KDM4C: variants seen among roughly 807,000 people sequenced by gnomAD.
KDM4C encodes the protein lysine demethylase 4C.
KDM4C carries 81 observed loss-of-function variants against 129.3 expected under a neutral mutation model. The ratio of observed to expected loss-of-function variants is 0.63; its 90% CI spans 0.52 to 0.75. The LOEUF is 0.75. Among genes scored for constraint, KDM4C ranks in the 30% least tolerant of loss-of-function variants. The pLI is 0.00. For missense variants in KDM4C, 1,457 were observed against 1,304.0 expected (o/e 1.12, Z -1.81); for synonymous variants, 573 against 456.1 (o/e 1.26, Z -3.26).
chr9:7,104,787 C>G (rs1226368793), intron 18 of KDM4C, among the ~76,000 whole-genome samples: 1 of 152,232 alleles, frequency 6.6e-6, no homozygotes, highest in Non-Finnish European at 1.5e-5. Context: ...CATGCTTCTC[C>G]TATGTCCCTA....
At chr9:6,825,951 C>T (rs1041582338) in intron 4 of KDM4C, among the ~76,000 whole-genome samples, 1 of 152,108 alleles carries the variant, frequency 6.6e-6, no homozygotes, top group Non-Finnish European at 1.5e-5. Flanking sequence ...GCTGGGACTA[C>T]GTGTGTGCGC....
chr9:6,995,433 A>C (rs1819516464), intron 12 of KDM4C, among the ~76,000 whole-genome samples: 1 of 152,164 alleles, frequency 6.6e-6, no homozygotes, highest in East Asian at 1.9e-4. Flanking sequence ...AATAAGGTAA[A>C]TGTCTCATAA....
intron 1 of KDM4C, among the ~76,000 whole-genome samples, chr9:6,780,261 T>C (rs185311293): frequency 9.8e-4 from 146 of 149,388 alleles, no homozygotes; most frequent in African/African-American, 3.4e-3. Flanking sequence ...TACAGCGGTG[T>C]TATTGTTTCT....
chr9:6,986,729 A>G (rs1817783406), intron 11 of KDM4C, 63 bp downstream of exon 11: 1 of 1,215,750 alleles, frequency 8.2e-7, no homozygotes, highest in East Asian at 2.5e-5. Flanking sequence ...TTTGAAAACA[A>G]CATGCTGTGC....
At position 7,094,707 on chromosome 9, in the gene KDM4C, G is replaced by A. The variant is rs774663987; in HGVS notation, c.2425-8978G>A. 9.2e-5 allele frequency among the ~76,000 whole-genome samples: 14 copies of A among 152,178 alleles called. No individual in the cohort carries two copies. In the South Asian group the frequency reaches 1.4e-3, roughly 16 times the overall value. On this transcript the variant is annotated intron_variant, in intron 17 of 21. Coordinates refer to ENST00000381309, the MANE Select transcript of KDM4C (RefSeq NM_015061.6). ...GGTGCTTCCTCTGAAAGGTCACCCG[G>A]GACATGTCTGCACTGCATTGACTTT... is the stretch of plus-strand genomic sequence containing the variant.
Position 6,732,085 on chromosome 9 carries a change from G to A in KDM4C, c.49+11088G>A, listed in dbSNP as rs573319803. 4.6e-5 allele frequency among the ~76,000 whole-genome samples: 7 copies of A among 151,970 alleles called. No homozygotes were observed. In the East Asian group the frequency reaches 1.2e-3, roughly 25 times the overall value. ...TCAAATAGATCAAAGAATGAGGCTGGGGCTGGGTGTGGTGGCTCACATCTG... is the reference window on the plus strand; with the variant it reads ...TCAAATAGATCAAAGAATGAGGCTGAGGCTGGGTGTGGTGGCTCACATCTG... On this transcript the variant is annotated intron_variant, in intron 1 of 17. Transcript: ENST00000536108.
intron 1 of KDM4C, among the ~76,000 whole-genome samples, chr9:6,728,934 G>A (rs1028183338): frequency 2.6e-5 from 4 of 151,074 alleles, no homozygotes; most frequent in African/African-American, 9.7e-5. Context: ...GGCTGGGCGC[G>A]GTGGTTCACG....
intron 12 of KDM4C, among the ~76,000 whole-genome samples, chr9:7,006,465 G>A (rs756981862): frequency 6.6e-6 from 1 of 152,212 alleles, no homozygotes; most frequent in South Asian, 2.1e-4. Context: ...TTGAAAAACA[G>A]AATTGTTTAT....
At chr9:7,125,192 T>A (rs1052649915) in intron 18 of KDM4C, among the ~76,000 whole-genome samples, 1 of 152,150 alleles carries the variant, frequency 6.6e-6, no homozygotes, top group Non-Finnish European at 1.5e-5. Context: ...TAGCAAGACC[T>A]CTTGCATTCC....
At chr9:7,008,777 A>G (rs1012093972) in intron 12 of KDM4C, among the ~76,000 whole-genome samples, 2 of 152,214 alleles carry the variant, frequency 1.3e-5, no homozygotes, top group African/African-American at 4.8e-5. Context: ...CCCAGGTACC[A>G]GGCCAGCTCA....
chr9:7,139,757 A>G (rs1841558009), intron 19 of KDM4C, among the ~76,000 whole-genome samples: 1 of 152,176 alleles, frequency 6.6e-6, no homozygotes. Context: ...TATATTATTT[A>G]TGCTGGAACT....
Position 6,813,397 on chromosome 9 carries a change from A to T in KDM4C, c.321-1234A>T, listed in dbSNP as rs1024784906. On this transcript the variant is annotated intron_variant, in intron 3 of 21. Coordinates refer to ENST00000381309, the MANE Select transcript of KDM4C (RefSeq NM_015061.6). ...GTTCTGGGTAAATTCAAATTGTTCT[A>T]TGTTTTAAATACAGTTGTTAAATTA... Among the ~76,000 whole-genome samples the T allele has an allele frequency of 5.3e-4, 81 of 152,092 alleles. 1 individual carries two copies. Among genetic ancestry groups the T allele is most frequent in the Admixed American group, 5.2e-3 (79 of 15,262 alleles).
intron 8 of KDM4C, among the ~76,000 whole-genome samples, chr9:6,923,212 G>C (rs1254810625): frequency 6.6e-6 from 1 of 151,336 alleles, no homozygotes; most frequent in Non-Finnish European, 1.5e-5. Flanking sequence ...CATATGCAAA[G>C]CATTGGAATC....
At chr9:6,811,710 T>G (rs933111690) in intron 3 of KDM4C, among the ~76,000 whole-genome samples, 1 of 152,190 alleles carries the variant, frequency 6.6e-6, no homozygotes, top group African/African-American at 2.4e-5. Flanking sequence ...TTTATCCCTA[T>G]TTTTTAGAAG....
intron 4 of KDM4C, among the ~76,000 whole-genome samples, chr9:6,845,531 C>G (rs533544572): frequency 6.6e-6 from 1 of 152,138 alleles, no homozygotes; most frequent in South Asian, 2.1e-4. Flanking sequence ...TGCTTTTAAA[C>G]TGCTGTCTGA....
At chr9:6,721,144 C>T (rs1220648651) in intron 1 of KDM4C, 1 of 633,260 alleles carries the variant, frequency 1.6e-6, no homozygotes, top group Non-Finnish European at 2.7e-6. Context: ...TGCAATCACA[C>T]CTCACTGCAG....
chr9:7,109,314 A>C (rs181196614), intron 18 of KDM4C, among the ~76,000 whole-genome samples: 26 of 152,334 alleles, frequency 1.7e-4, no homozygotes, highest in Admixed American at 1.6e-3. Flanking sequence ...TTAAACCAAA[A>C]TCAAGGTCAA....
chr9:6,737,043 T>C (rs1817546798), intron 1 of KDM4C, among the ~76,000 whole-genome samples: 1 of 134,296 alleles, frequency 7.4e-6, no homozygotes, highest in Admixed American at 7.5e-5. Flanking sequence ...ACAGCGAGAT[T>C]CTGTCTCAAA....
At chr9:6,770,500 A>G (rs1309536444) in intron 1 of KDM4C, among the ~76,000 whole-genome samples, 1 of 152,074 alleles carries the variant, frequency 6.6e-6, no homozygotes, top group Non-Finnish European at 1.5e-5. Flanking sequence ...TACATGATCA[A>G]CAAATACTTT....
Sources: allele counts gnomAD v4.1 joint callset (sites outside exome capture counted in the v4.1 genomes callset), GRCh38; gene constraint gnomAD v4.1.1; transcripts MANE v1.5; gene names NCBI Gene and HGNC (gene_info 2026-07-23, HGNC 2026-07-21).